The following APC2 variants were observed in gnomAD, a reference collection of about 807,000 sequenced individuals.
APC2 encodes the protein APC regulator of Wnt signaling pathway 2, also known as adenomatous polyposis coli protein 2.
Under a neutral mutation model 72.5 loss-of-function variants are expected in APC2, and 41 were observed. That is an observed-to-expected ratio of 0.57 (90% CI 0.44 to 0.73). The LOEUF is 0.73. Ranked by LOEUF, APC2 falls within the 30% of genes least tolerant of loss-of-function variation. The probability of loss-of-function intolerance (pLI) is 0.00; values close to 1 mark genes in which losing one functional copy is unlikely to be tolerated. For synonymous variants in APC2, 1,898 were observed against 1,612.0 expected (o/e 1.18, Z -4.25); for missense variants, 3,729 against 3,403.4 (o/e 1.10, Z -2.38).
At chr19:1,457,739 G>T in intron 9 of APC2, 1 of 594,872 alleles carries the variant, frequency 1.7e-6, no homozygotes. Flanking sequence ...CAGCTGAAAG[G>T]TGTGGTGCTC....
Position 1,469,915 on chromosome 19 carries a change from CG to C in APC2, c.6615del (p.Ser2206ProfsTer129). On this transcript the variant is annotated frameshift_variant, in exon 15 of 15. Transcript: ENST00000590469. LOFTEE classifies it low-confidence loss of function (END_TRUNC). ...GCCGCCCCCAAGACCAACTCCAGCACGTCCCCGAGCCTGGAGACCAGGGAGC... is the reference window on the plus strand; with the variant it reads ...GCCGCCCCCAAGACCAACTCCAGCACTCCCCGAGCCTGGAGACCAGGGAGC... ...EVAAPKTNSS[T>X]SPSLETREPP... is the part of the protein sequence containing the mutation. 5 of 1,521,182 alleles carry C rather than the reference CG, an allele frequency of 3.3e-6. No individual in the cohort carries two copies. Among genetic ancestry groups the C allele is most frequent in the Non-Finnish European group, 4.4e-6 (5 of 1,140,886 alleles). The allele number at this position is 1,521,182 out of a possible 1,614,324, so 94.2% of individuals were successfully genotyped here.
rs766101393 is a variant in APC2 at position 1,456,054 on chromosome 19, G to A, written c.640-22G>A. 4 of 1,540,598 alleles carry A rather than the reference G, an allele frequency of 2.6e-6. No individual in the cohort carries two copies. The African/African-American group carries it at 4.1e-5, about 16-fold the overall frequency. On this transcript the variant is annotated intron_variant, in intron 6 of 14. Coordinates refer to ENST00000590469, the MANE Select transcript of APC2 (RefSeq NM_005883.3). The stretch of plus-strand genomic sequence containing the variant: ...GGGGGCGGGGTCAGCTCCAGCACTT[G>A]CCCTCGTGTGGTCCTGAGCAGATCC...
rs371053628 is a variant in APC2, at chr19:1,453,366, G to C, written c.232+29G>C. On this transcript the variant is annotated intron_variant, in intron 3 of 14. Transcript: ENST00000590469. The stretch of plus-strand genomic sequence containing the variant: ...AGCGGTGGGGCCACCCGCAGAGGGA[G>C]TGGGGGAGGCTGGGGGGAAAGGCAG... 15 of 1,611,778 alleles carry C rather than the reference G, an allele frequency of 9.3e-6. No individual in the cohort carries two copies. In the African/African-American group the frequency reaches 1.7e-4, roughly 19 times the overall value.
Position 1,465,586 on chromosome 19 carries a change from G to T in APC2, c.2285G>T (p.Arg762Leu). 1 of 1,576,522 alleles carries T rather than the reference G, an allele frequency of 6.3e-7. No homozygotes were observed. The change falls in exon 15 of 15, where the codon CGA (arginine) becomes CTA (leucine). Residue 762 changes from arginine (R) to leucine (L), a missense_variant. Arg to Leu is a moderately radical substitution (Grantham distance 102). Transcript: ENST00000590469. ...AATKKPLPPL[R>L]HLDGLAQDYA... ...ACTAAGAAGCCGCTGCCGCCCCTGC[G>T]ACACCTGGACGGCCTGGCCCAAGAC...
intron 9 of APC2, 67 bp from the exon 10 acceptor site, chr19:1,457,898 G>GGGGGGGGGGGAA: frequency 1.4e-6 from 2 of 1,432,326 alleles, no homozygotes; most frequent in Non-Finnish European, 1.9e-6. Context: ...CGGGTTGCGG[G>GGGGGGGGGGGAA]ACCTTCGGGA....
chr19:1,460,123 C>A, intron 10 of APC2, 58 bp from the exon 11 acceptor site: 2 of 1,606,126 alleles, frequency 1.2e-6, no homozygotes, highest in East Asian at 4.5e-5. Context: ...TGAGGTGGGG[C>A]GCTGGGCAGC....
At chr19:1,464,857 T>C (rs892449617) in intron 14 of APC2, among the ~76,000 whole-genome samples, 1 of 151,430 alleles carries the variant, frequency 6.6e-6, no homozygotes, top group East Asian at 1.9e-4. Context: ...GGTCTCGATC[T>C]CCTGACCTCA....
intron 13 of APC2, chr19:1,461,696 CA>C (rs879732286): frequency 6.4e-6 from 3 of 471,754 alleles, no homozygotes; most frequent in Non-Finnish European, 1.1e-5. Context: ...ACTAAAAATA[CA>C]AAAAATTAGC....
chr19:1,467,883 C>T lies in APC2; in HGVS notation c.4582C>T (p.Arg1528Trp), dbSNP rs776974633. 4.4e-6 allele frequency: 7 copies of T among 1,576,450 alleles called. No homozygotes were observed. The highest frequency in any genetic ancestry group is 3.4e-5 in the Admixed American group (2 of 58,064). ...GGCGGCCGCGCCCACGCCAACCCAC[C>T]GGCGCACATCGGCCATCCCTCGCGC... is the stretch of plus-strand genomic sequence containing the variant. ...PPAAAPTPTH[R>W]RTSAIPRAFT... Residue 1528 changes from arginine (R) to tryptophan (W), a missense_variant, in exon 15 of 15, where the codon CGG (arginine) becomes TGG (tryptophan). Physicochemically the swap from Arg to Trp is moderately radical, Grantham distance 101 (BLOSUM62 -3). Coordinates refer to ENST00000590469, the MANE Select transcript of APC2 (RefSeq NM_005883.3).
chr19:1,455,502 T>G lies in APC2; in HGVS notation c.639+2T>G. 6.3e-7 allele frequency: 1 copy of G among 1,598,384 alleles called. No individual in the cohort carries two copies. The highest frequency in any genetic ancestry group is 8.5e-7 in the Non-Finnish European group (1 of 1,172,698). ...GACGAGATGGTGCAGCGGGCACAGGTGCGGCGGTGGGCGGGGTGGCGCGGC... is the reference window on the plus strand; with the variant it reads ...GACGAGATGGTGCAGCGGGCACAGGGGCGGCGGTGGGCGGGGTGGCGCGGC... On this transcript the variant is annotated splice_donor_variant, in intron 6 of 14. Transcript: ENST00000590469. LOFTEE classifies it high-confidence loss of function.
Position 1,467,887 on chromosome 19 carries a change from G to A in APC2, c.4586G>A (p.Arg1529His), listed in dbSNP as rs1423749860. 4.4e-6 allele frequency: 7 copies of A among 1,577,996 alleles called. No homozygotes were observed. The highest frequency in any genetic ancestry group is 4.1e-5 in the African/African-American group (3 of 72,518). Residue 1529 changes from arginine (R) to histidine (H), a missense_variant, in exon 15 of 15, where the codon CGC becomes CAC. Transcript: ENST00000590469. ...GCCGCGCCCACGCCAACCCACCGGC[G>A]CACATCGGCCATCCCTCGCGCTTTT... ...PAAAPTPTHR[R>H]TSAIPRAFTR...
In APC2 at chr19:1,467,345, A is replaced by G. The variant is rs781734171; in HGVS notation, c.4044A>G (p.Gly1348=). 2 of 1,448,560 alleles carry G rather than the reference A, an allele frequency of 1.4e-6. No individual in the cohort carries two copies. The highest frequency in any genetic ancestry group is 2.7e-5 in the South Asian group (2 of 73,230). 89.7% of individuals were successfully genotyped at this position (1,448,560 alleles called of 1,614,324 possible). A position where few individuals can be genotyped will look rare whatever the true frequency, so the allele number is the denominator to read the frequency against. ...QELELLRECL[G]AAVPARLRKV... ...TGGAACTGCTGCGGGAGTGCCTGGG[A>G]GCCGCCGTGCCTGCCCGGCTGCGCA... Residue 1348 remains glycine (G), a synonymous_variant, in exon 15 of 15, where the codon GGA becomes GGG. Transcript: ENST00000590469.
chr19:1,447,787 G>C (rs910979153), upstream of APC2, among the ~76,000 whole-genome samples: 2 of 152,160 alleles, frequency 1.3e-5, 1 homozygote, highest in Non-Finnish European at 2.9e-5. Context: ...GGGATAAGAA[G>C]GGAGGTTCAG....
At chr19:1,456,546 G>A in intron 8 of APC2, 142 bp downstream of exon 8, 1 of 930,912 alleles carries the variant, frequency 1.1e-6, no homozygotes, top group Non-Finnish European at 1.6e-6. Context: ...CTGGCGTGCA[G>A]CTCATGCAGA....
intron 10 of APC2, among the ~76,000 whole-genome samples, chr19:1,458,748 A>T (rs2083878424): frequency 6.6e-6 from 1 of 151,746 alleles, no homozygotes; most frequent in South Asian, 2.1e-4. Context: ...ACAGAGTCTC[A>T]CTCTGTTGCC....
At position 1,457,370 on chromosome 19, in the gene APC2, G is replaced by A. The variant is rs569893404; in HGVS notation, c.1207+127G>A. 5 of 1,357,156 alleles carry A rather than the reference G, an allele frequency of 3.7e-6. No homozygotes were observed. The Admixed American group carries it at 9.7e-5, about 26-fold the overall frequency. The allele number at this position is 1,357,156 out of a possible 1,614,324, so 84.1% of individuals were successfully genotyped here. On this transcript the variant is annotated intron_variant, in intron 9 of 14. Transcript: ENST00000590469. ...CTGGCGTTGGAGGCTGCAGTACCAG[G>A]CTCCGGCCGAGGCCTGTGGGGGCAT...
chr19:1,456,525 G>A, intron 8 of APC2, 121 bp downstream of exon 8: 1 of 1,087,042 alleles, frequency 9.2e-7, no homozygotes. Flanking sequence ...CTCGGGTGTA[G>A]GAAGGCCCCT....
intron 12 of APC2, 30 bp from the exon 13 acceptor site, chr19:1,461,007 C>T: frequency 1.2e-5 from 20 of 1,610,930 alleles, no homozygotes; most frequent in Admixed American, 1.7e-5. Flanking sequence ...GGACCCTAGT[C>T]CCACCACACT....
At chr19:1,463,611 G>C (rs2083960948) in intron 14 of APC2, among the ~76,000 whole-genome samples, 1 of 151,016 alleles carries the variant, frequency 6.6e-6, no homozygotes, top group Admixed American at 6.6e-5. Flanking sequence ...AAATTAGCTT[G>C]GCTTGGCGTC....
Sources: gnomAD v4.1 joint callset for allele counts (sites outside exome capture counted in the v4.1 genomes callset) on GRCh38, gnomAD v4.1.1 for gene constraint, MANE v1.5 for transcripts, NCBI Gene and HGNC (gene_info 2026-07-23, HGNC 2026-07-21) for gene names.